Variants in UTRN observed in about 807,000 individuals in gnomAD.
UTRN encodes the protein dystrophin-related protein 1.
Under a neutral mutation model 463.9 loss-of-function variants are expected in UTRN, and 283 were observed. The ratio of observed to expected loss-of-function variants is 0.61; its 90% CI spans 0.55 to 0.67. The LOEUF is 0.67. Among genes scored for constraint, UTRN ranks in the 30% least tolerant of loss-of-function variants. The pLI, the probability that UTRN is intolerant of heterozygous loss-of-function variation, is 0.00. For missense variants in UTRN, 3,922 were observed against 4,084.3 expected, an observed-to-expected ratio of 0.96 and a Z score of 1.08; for synonymous variants, 1,442 against 1,431.5, an observed-to-expected ratio of 1.01 and a Z score of -0.17.
intron 44 of UTRN, 63 bp downstream of exon 44, chr6:144,537,780 T>C (rs764751272): frequency 6.5e-7 from 1 of 1,546,788 alleles, no homozygotes; most frequent in Admixed American, 2.0e-5. Context: ...CAGAGTCACA[T>C]ACTGCGTGTC....
rs140321007 is a variant in UTRN, at chr6:144,557,205, G to A, written c.7183G>A (p.Asp2395Asn). 20 of 1,613,848 alleles carry A rather than the reference G, an allele frequency of 1.2e-5. No individual in the cohort carries two copies. Among genetic ancestry groups the A allele is most frequent in the African/African-American group, 4.0e-5 (3 of 74,904 alleles). ...GPGDGIVMAF[D>N]NVLQKLLEEY... Reference sequence around the variant, plus strand: ...TGGAGATGGTATCGTCATGGCGTTCGATAACGTCCTGCAGAAACTCCTGGA... The same window carrying A: ...TGGAGATGGTATCGTCATGGCGTTCAATAACGTCCTGCAGAAACTCCTGGA... The change falls in exon 50 of 75, where the codon GAT (aspartate) becomes AAT (asparagine). Residue 2395 changes from aspartate to asparagine, a missense_variant. By Grantham distance (23) the Asp-to-Asn change is conservative. Transcript: ENST00000367545.
intron 2 of UTRN, among the ~76,000 whole-genome samples, chr6:144,389,442 A>T (rs1192189804): frequency 6.6e-6 from 1 of 151,960 alleles, no homozygotes; most frequent in Non-Finnish European, 1.5e-5. Context: ...AATCTCTCAC[A>T]TTTTTTGGTG....
chr6:144,404,299 G>A (rs1383990686), intron 3 of UTRN, among the ~76,000 whole-genome samples: 2 of 152,180 alleles, frequency 1.3e-5, no homozygotes, highest in African/African-American at 2.4e-5. Context: ...AGTTATATGT[G>A]TAGGATTATT....
At chr6:144,332,538 A>C (rs1014191002) in intron 2 of UTRN, among the ~76,000 whole-genome samples, 4 of 152,088 alleles carry the variant, frequency 2.6e-5, no homozygotes, top group Non-Finnish European at 4.4e-5. Flanking sequence ...AGTAAAACAA[A>C]GTGGGAGTAT....
At chr6:144,758,124 T>C in intron 58 of UTRN, 135 bp downstream of exon 58, 1 of 656,618 alleles carries the variant, frequency 1.5e-6, no homozygotes, top group Non-Finnish European at 2.5e-6. Context: ...ATATAGTTAA[T>C]ATTAAAAAGA....
At chr6:144,844,435 A>C (rs1045193268) in intron 73 of UTRN, among the ~76,000 whole-genome samples, 9 of 152,090 alleles carry the variant, frequency 5.9e-5, no homozygotes, top group African/African-American at 2.2e-4. Flanking sequence ...CGCCCAACTA[A>C]TTTTTGTATT....
chr6:144,776,643 C>G (rs1287759993), intron 60 of UTRN, among the ~76,000 whole-genome samples: 1 of 152,154 alleles, frequency 6.6e-6, no homozygotes, highest in Non-Finnish European at 1.5e-5. Flanking sequence ...CTCTGTCCAC[C>G]TCCTTCCCTC....
intron 53 of UTRN, among the ~76,000 whole-genome samples, chr6:144,725,005 C>T (rs956785006): frequency 6.6e-6 from 1 of 152,224 alleles, no homozygotes; most frequent in Non-Finnish European, 1.5e-5. Context: ...ATTTTGAGGA[C>T]ATGCCAAACT....
intron 65 of UTRN, among the ~76,000 whole-genome samples, chr6:144,803,701 T>C (rs1291107689): frequency 2.0e-5 from 3 of 152,182 alleles, no homozygotes; most frequent in Admixed American, 1.3e-4. Context: ...TACTACAGTT[T>C]ACCTAACCAT....
intron 51 of UTRN, among the ~76,000 whole-genome samples, chr6:144,600,606 G>A (rs1804145148): frequency 6.6e-6 from 1 of 152,210 alleles, no homozygotes; most frequent in Non-Finnish European, 1.5e-5. Flanking sequence ...TTTGAATCTA[G>A]AAGAGGTTGG....
chr6:144,378,556 G>A lies in UTRN; in HGVS notation c.80-24567G>A, dbSNP rs555551224. Among the ~76,000 whole-genome samples, 20 of 152,344 alleles carry A rather than the reference G, an allele frequency of 1.3e-4. No individual in the cohort carries two copies. In the South Asian group the frequency reaches 4.1e-3, roughly 32 times the overall value. ...GTCTGAATTAAGCAGGTTGAGAACA[G>A]GGTGAAGGAGGCAGGCATAGCAGCA... On this transcript the variant is annotated intron_variant, in intron 2 of 74. Transcript: ENST00000367545.
chr6:144,654,394 G>C (rs866648029), intron 51 of UTRN, among the ~76,000 whole-genome samples: 31 of 152,324 alleles, frequency 2.0e-4, no homozygotes, highest in Admixed American at 1.0e-3. Context: ...CCAATGTTCA[G>C]TTCCTTAAAT....
chr6:144,591,674 C>G (rs892590304), intron 51 of UTRN, among the ~76,000 whole-genome samples: 1 of 151,956 alleles, frequency 6.6e-6, no homozygotes, highest in South Asian at 2.1e-4. Flanking sequence ...TTTAAATGTA[C>G]TTCTGGAAAG....
intron 3 of UTRN, among the ~76,000 whole-genome samples, chr6:144,413,921 A>G (rs1382471730): frequency 2.0e-5 from 3 of 152,160 alleles, no homozygotes; most frequent in African/African-American, 7.2e-5. Flanking sequence ...CTTCTGCCTC[A>G]GCTTCCTGAG....
chr6:144,341,256 A>G (rs1231471989), intron 2 of UTRN, among the ~76,000 whole-genome samples: 1 of 152,258 alleles, frequency 6.6e-6, no homozygotes, highest in Non-Finnish European at 1.5e-5. Flanking sequence ...AAGGCCTTAC[A>G]TCAAAAAATA....
intron 51 of UTRN, among the ~76,000 whole-genome samples, chr6:144,601,335 A>G (rs1232173683): frequency 1.3e-5 from 2 of 152,226 alleles, no homozygotes; most frequent in East Asian, 3.8e-4. Context: ...ACTGCTCTAG[A>G]TGCTATTAAG....
intron 51 of UTRN, among the ~76,000 whole-genome samples, chr6:144,598,341 G>A (rs1236967283): frequency 6.6e-6 from 1 of 152,210 alleles, no homozygotes; most frequent in Non-Finnish European, 1.5e-5. Flanking sequence ...TTGGCAGTTG[G>A]TTGAAAGAGT....
chr6:144,637,208 AAT>A (rs1379786146), intron 51 of UTRN, among the ~76,000 whole-genome samples: 1 of 152,096 alleles, frequency 6.6e-6, no homozygotes, highest in East Asian at 1.9e-4. Context: ...GAGCTCAAGC[AAT>A]CTAACTGCCT....
At chr6:144,663,241 C>A (rs190061068) in intron 51 of UTRN, among the ~76,000 whole-genome samples, 5 of 152,156 alleles carry the variant, frequency 3.3e-5, no homozygotes, top group Admixed American at 3.3e-4. Flanking sequence ...ATGTGCCTGC[C>A]AGCAAGCAGG....
Sources: gnomAD v4.1 joint callset for allele counts (sites outside exome capture counted in the v4.1 genomes callset) on GRCh38, gnomAD v4.1.1 for gene constraint, MANE v1.5 for transcripts, NCBI Gene and HGNC (gene_info 2026-07-23, HGNC 2026-07-21) for gene names.